GALNT2: variants seen among roughly 807,000 people sequenced by gnomAD.
GALNT2 encodes the protein polypeptide N-acetylgalactosaminyltransferase 2, also known as UDP-GalNAc:polypeptide N-acetylgalactosaminyltransferase 2.
GALNT2 carries 31 observed loss-of-function variants against 81.4 expected under a neutral mutation model. The ratio of observed to expected loss-of-function variants is 0.38; its 90% CI spans 0.29 to 0.51. GALNT2 has a LOEUF of 0.51. Ranked by LOEUF, GALNT2 falls within the 20% of genes least tolerant of loss-of-function variation. The probability of loss-of-function intolerance (pLI) is 0.87; values close to 1 mark genes in which losing one functional copy is unlikely to be tolerated. For missense variants in GALNT2, 629 were observed against 765.7 expected (o/e 0.82, Z 2.11); for synonymous variants, 303 against 287.4 (o/e 1.05, Z -0.55).
intron 1 of GALNT2, among the ~76,000 whole-genome samples, chr1:230,123,794 A>G (rs370367461): frequency 1.3e-5 from 2 of 152,186 alleles, no homozygotes; most frequent in East Asian, 3.8e-4. Flanking sequence ...TCTTTTGTCT[A>G]CTTTAACCTC....
At chr1:230,216,503 G>A (rs1317121208) in intron 3 of GALNT2, among the ~76,000 whole-genome samples, 5 of 152,212 alleles carry the variant, frequency 3.3e-5, no homozygotes, top group Non-Finnish European at 7.3e-5. Flanking sequence ...GTACAGAGAT[G>A]TGATCATAGC....
At chr1:230,220,156 A>G (rs1373572827) in intron 3 of GALNT2, among the ~76,000 whole-genome samples, 1 of 152,232 alleles carries the variant, frequency 6.6e-6, no homozygotes, top group East Asian at 1.9e-4. Context: ...GCAGAACATG[A>G]ATATGCATAC....
intron 1 of GALNT2, among the ~76,000 whole-genome samples, chr1:230,081,017 C>T (rs1049354287): frequency 1.3e-5 from 2 of 152,204 alleles, no homozygotes; most frequent in East Asian, 1.9e-4. Context: ...CCAGAGGCTC[C>T]TGTTCCCCAG....
chr1:230,188,742 T>C lies in GALNT2; in HGVS notation c.220+10431T>C, dbSNP rs117991869. On this transcript the variant is annotated intron_variant, in intron 2 of 15. Coordinates refer to ENST00000366672, the MANE Select transcript of GALNT2 (RefSeq NM_004481.5). ...TTGCTTCTATTTCAGCATCATGCTT[T>C]CTACTTGGAACCACTGAATTTTTTT... Among the ~76,000 whole-genome samples, 27 of 152,360 alleles carry C rather than the reference T, an allele frequency of 1.8e-4. No individual in the cohort carries two copies. In the East Asian group the frequency reaches 4.8e-3, roughly 27 times the overall value.
chr1:230,064,864 C>T (rs1659134480), upstream of GALNT2, among the ~76,000 whole-genome samples: 1 of 152,200 alleles, frequency 6.6e-6, no homozygotes, highest in South Asian at 2.1e-4. Flanking sequence ...CCTGGCTTTG[C>T]ATGTTGCTGT....
At chr1:230,197,200 G>T (rs1400896327) in intron 2 of GALNT2, among the ~76,000 whole-genome samples, 1 of 152,104 alleles carries the variant, frequency 6.6e-6, no homozygotes, top group Non-Finnish European at 1.5e-5. Flanking sequence ...GGTGTTTCTT[G>T]GGAGCAGCAG....
chr1:230,254,334 A>T (rs1354296927), intron 10 of GALNT2, among the ~76,000 whole-genome samples: 1 of 152,190 alleles, frequency 6.6e-6, no homozygotes, highest in African/African-American at 2.4e-5. Context: ...GGTAGTGCCT[A>T]GACCTACACA....
chr1:230,192,301 T>A (rs966566920), intron 2 of GALNT2, among the ~76,000 whole-genome samples: 1 of 152,240 alleles, frequency 6.6e-6, no homozygotes, highest in African/African-American at 2.4e-5. Flanking sequence ...TTCTGTGCCT[T>A]AGTTTCCTAA....
At chr1:230,177,431 C>CCCA (rs1663018626) in intron 1 of GALNT2, among the ~76,000 whole-genome samples, 1 of 152,232 alleles carries the variant, frequency 6.6e-6, no homozygotes, top group Admixed American at 6.5e-5. Flanking sequence ...TGGCTTATTT[C>CCCA]TGATTTGGGT....
In GALNT2 at chr1:230,125,215, A is replaced by G. The variant is rs926906; in HGVS notation, c.127-53003A>G. Among the ~76,000 whole-genome samples the G allele has an allele frequency of 4.2e-3, 642 of 152,350 alleles. 2 individuals are homozygous for G. Among genetic ancestry groups the G allele is most frequent in the African/African-American group, 0.015 (610 of 41,584 alleles). ...TAGAGAATTCATAAATGAAGATGCAATAACCCATCACACAATTAGAGTGCA... is the reference window on the plus strand; with the variant it reads ...TAGAGAATTCATAAATGAAGATGCAGTAACCCATCACACAATTAGAGTGCA... On this transcript the variant is annotated intron_variant, in intron 1 of 15. Coordinates refer to ENST00000366672, the MANE Select transcript of GALNT2 (RefSeq NM_004481.5).
chr1:230,126,081 G>C (rs1015753511), intron 1 of GALNT2, among the ~76,000 whole-genome samples: 2 of 152,234 alleles, frequency 1.3e-5, no homozygotes, highest in African/African-American at 2.4e-5. Flanking sequence ...GGAGCAGGGA[G>C]GCCTTTTGGA....
chr1:230,150,350 C>T (rs1440713678), intron 1 of GALNT2, among the ~76,000 whole-genome samples: 3 of 152,214 alleles, frequency 2.0e-5, no homozygotes, highest in Non-Finnish European at 4.4e-5. Flanking sequence ...CATACATCAC[C>T]CAAGGTGTCA....
chr1:230,107,302 G>A (rs1416030269), intron 1 of GALNT2, among the ~76,000 whole-genome samples: 2 of 152,182 alleles, frequency 1.3e-5, no homozygotes, highest in Non-Finnish European at 2.9e-5. Context: ...AGGGACAGTG[G>A]CTCATGCCTG....
chr1:230,191,496 A>T (rs906591918), intron 2 of GALNT2, among the ~76,000 whole-genome samples: 1 of 152,188 alleles, frequency 6.6e-6, no homozygotes, highest in Admixed American at 6.5e-5. Flanking sequence ...TTGAGCAGAA[A>T]TTAGAGGGAA....
chr1:230,178,114 C>T, intron 1 of GALNT2, 104 bp from the exon 2 acceptor site: 1 of 829,404 alleles, frequency 1.2e-6, no homozygotes, highest in Non-Finnish European at 1.9e-6. Flanking sequence ...AGTGCATCCC[C>T]AGGGCCAAGT....
chr1:230,183,866 C>A (rs1314048975), intron 2 of GALNT2, among the ~76,000 whole-genome samples: 6 of 151,812 alleles, frequency 4.0e-5, no homozygotes, highest in African/African-American at 1.5e-4. Flanking sequence ...TAATTCCAGC[C>A]ACCTGGGAGG....
Position 230,178,269 on chromosome 1 carries a change from A to G in GALNT2, c.178A>G (p.Asn60Asp). The G allele has an allele frequency of 6.2e-7, 1 of 1,614,170 alleles. No individual in the cohort carries two copies. Reference sequence around the variant, plus strand: ...TAAAAAGAAAGACCTTCATCACAGCAATGGAGAAGAGAAAGCACAAAGCAT... The same window carrying G: ...TAAAAAGAAAGACCTTCATCACAGCGATGGAGAAGAGAAAGCACAAAGCAT... ...PIKKKDLHHS[N>D]GEEKAQSMET... Residue 60 changes from asparagine to aspartate, a missense_variant, in exon 2 of 16, where the codon AAT (asparagine) becomes GAT (aspartate). By Grantham distance (23) the Asn-to-Asp change is conservative. Coordinates refer to ENST00000366672, the MANE Select transcript of GALNT2 (RefSeq NM_004481.5).
intron 1 of GALNT2, among the ~76,000 whole-genome samples, chr1:230,074,914 G>A (rs1341885715): frequency 3.3e-5 from 5 of 152,174 alleles, no homozygotes; most frequent in Non-Finnish European, 7.3e-5. Flanking sequence ...GGCCTCTGGA[G>A]GCAGTGGGGT....
intron 1 of GALNT2, among the ~76,000 whole-genome samples, chr1:230,177,029 C>T (rs1007780503): frequency 3.9e-5 from 6 of 152,186 alleles, no homozygotes; most frequent in Admixed American, 3.9e-4. Context: ...AGAGAAGCAA[C>T]GGAAGCAAAA....
Sources: gnomAD v4.1 joint callset for allele counts (sites outside exome capture counted in the v4.1 genomes callset) on GRCh38, gnomAD v4.1.1 for gene constraint, MANE v1.5 for transcripts, NCBI Gene and HGNC (gene_info 2026-07-23, HGNC 2026-07-21) for gene names.